TENM3: variants seen among roughly 807,000 people sequenced by gnomAD.
TENM3 encodes the protein teneurin-3.
In TENM3, 63 loss-of-function variants were observed where a neutral mutation model predicts 255.1. That is an observed-to-expected ratio of 0.25 (90% CI 0.20 to 0.30). The LOEUF (loss-of-function observed/expected upper bound fraction) is 0.30. TENM3 is among the 10% of genes least tolerant of loss of function. TENM3 has a pLI of 1.00. For missense variants in TENM3, 2,929 were observed against 3,461.1 expected (o/e 0.85, Z 3.86); for synonymous variants, 1,306 against 1,322.3 (o/e 0.99, Z 0.27).
At chr4:182,264,954 A>G (rs1759144409) in intron 1 of TENM3, among the ~76,000 whole-genome samples, 1 of 150,670 alleles carries the variant, frequency 6.6e-6, no homozygotes, top group African/African-American at 2.4e-5. Flanking sequence ...CGACTGAATT[A>G]TTTTTCTCCA....
intron 1 of TENM3, among the ~76,000 whole-genome samples, chr4:182,229,530 A>G (rs1465016479): frequency 2.0e-5 from 3 of 152,100 alleles, no homozygotes; most frequent in African/African-American, 7.2e-5. Flanking sequence ...ACCATTTAAT[A>G]TTTGATTTAC....
At chr4:181,597,084 A>T in the TENM3 span, among the ~76,000 whole-genome samples, 4 of 152,206 alleles carry the variant, frequency 2.6e-5, no homozygotes, top group African/African-American at 9.6e-5. Flanking sequence ...GTTAAAAAAA[A>T]ACCTTTTGTA....
chr4:181,843,445 T>C, the TENM3 span, among the ~76,000 whole-genome samples: 2 of 152,204 alleles, frequency 1.3e-5, no homozygotes, highest in Non-Finnish European at 2.9e-5. Context: ...TATTGAATCT[T>C]AAATCTTGTG....
chr4:181,964,545 T>C, the TENM3 span, among the ~76,000 whole-genome samples: 3 of 152,006 alleles, frequency 2.0e-5, no homozygotes, highest in Admixed American at 2.0e-4. Context: ...AATTCTGTTC[T>C]TCCTCTCTTC....
At chr4:181,566,077 G>A in the TENM3 span, among the ~76,000 whole-genome samples, 4 of 145,780 alleles carry the variant, frequency 2.7e-5, no homozygotes, top group Non-Finnish European at 6.0e-5. Context: ...TTCCCCCAAA[G>A]AGGTTTATAG....
the TENM3 span, chr4:181,976,499 G>C: frequency 6.6e-6 from 1 of 152,206 alleles, no homozygotes; most frequent in Admixed American, 6.5e-5. Flanking sequence ...GTACTAGGGG[G>C]TAGGACTTCA....
At chr4:181,468,298 A>T in the TENM3 span, among the ~76,000 whole-genome samples, 42 of 152,292 alleles carry the variant, frequency 2.8e-4, no homozygotes, top group African/African-American at 9.6e-4. Flanking sequence ...AAAATTAAAA[A>T]TAAATAACCA....
At position 182,601,134 on chromosome 4, in the gene TENM3, T is replaced by C; in HGVS notation, c.722T>C (p.Leu241Pro). The C allele has an allele frequency of 6.2e-7, 1 of 1,613,924 alleles. No homozygotes were observed. The highest frequency in any genetic ancestry group is 1.3e-5 in the African/African-American group (1 of 75,038). Reference protein sequence around the residue: ...ESVQLQDSWVLGSNVPLESRH... With the variant: ...ESVQLQDSWVPGSNVPLESRH... ...GTCCAGCTGCAGGACAGCTGGGTCCTTGGCAGTAATGTACCACTGGAAAGC... is the reference window on the plus strand; with the variant it reads ...GTCCAGCTGCAGGACAGCTGGGTCCCTGGCAGTAATGTACCACTGGAAAGC... Residue 241 changes from leucine (L) to proline (P), a missense_variant, in exon 4 of 28, where the codon CTT becomes CCT. Transcript: ENST00000511685.
the TENM3 span, among the ~76,000 whole-genome samples, chr4:181,930,410 A>C: frequency 6.6e-6 from 1 of 152,220 alleles, no homozygotes; most frequent in Non-Finnish European, 1.5e-5. Context: ...TAAACTAGAA[A>C]ATCTGGAAGA....
Position 182,571,817 on chromosome 4 carries a change from A to G in TENM3, c.512-29107A>G, listed in dbSNP as rs547682646. The stretch of plus-strand genomic sequence containing the variant: ...ACATAGAAGACTGAAAGTTTCAAAC[A>G]ACGTGACATAATTATAAATTGTTGT... On this transcript the variant is annotated intron_variant, in intron 3 of 27. Transcript: ENST00000511685. Among the ~76,000 whole-genome samples the G allele has an allele frequency of 9.8e-5, 15 of 152,346 alleles. 1 individual carries two copies. In the South Asian group the frequency reaches 3.1e-3, roughly 32 times the overall value.
At chr4:182,778,523 A>T (rs1764879351) in intron 24 of TENM3, among the ~76,000 whole-genome samples, 1 of 152,154 alleles carries the variant, frequency 6.6e-6, no homozygotes, top group African/African-American at 2.4e-5. Flanking sequence ...GAGTCTTGAT[A>T]TCGCCACCCA....
chr4:182,124,557 G>A, the TENM3 span, among the ~76,000 whole-genome samples: 1 of 152,214 alleles, frequency 6.6e-6, no homozygotes, highest in Admixed American at 6.5e-5. Context: ...CAAAGGCTGA[G>A]CCCTGGGGCA....
intron 3 of TENM3, among the ~76,000 whole-genome samples, chr4:182,563,961 C>G (rs1437308204): frequency 6.6e-6 from 1 of 152,202 alleles, no homozygotes; most frequent in Non-Finnish European, 1.5e-5. Context: ...TCAACTACCA[C>G]CAGATCCTTC....
the TENM3 span, among the ~76,000 whole-genome samples, chr4:181,972,901 T>A: frequency 6.6e-6 from 1 of 152,156 alleles, no homozygotes; most frequent in Non-Finnish European, 1.5e-5. Flanking sequence ...GATCACTTGC[T>A]CTTTACAAGA....
chr4:181,826,113 A>T, the TENM3 span, among the ~76,000 whole-genome samples: 203 of 152,328 alleles, frequency 1.3e-3, no homozygotes, highest in African/African-American at 4.6e-3. Context: ...TATTTTGTAA[A>T]TAACTATAAA....
At chr4:182,544,485 C>A (rs1741233970) in intron 3 of TENM3, among the ~76,000 whole-genome samples, 1 of 151,960 alleles carries the variant, frequency 6.6e-6, no homozygotes, top group African/African-American at 2.4e-5. Flanking sequence ...GGCCCACCAC[C>A]ATGCCTGGCT....
chr4:181,822,993 C>G, the TENM3 span, among the ~76,000 whole-genome samples: 1 of 151,872 alleles, frequency 6.6e-6, no homozygotes, highest in East Asian at 1.9e-4. Context: ...AAAAAAAAGG[C>G]GGAGGGAGAA....
rs377544238 is a variant in TENM3 at position 182,774,953 on chromosome 4, G to A, written c.5104G>A (p.Gly1702Ser). 93 of 1,613,466 alleles carry A rather than the reference G, an allele frequency of 5.8e-5. No individual in the cohort carries two copies. The highest frequency in any genetic ancestry group is 6.8e-5 in the Non-Finnish European group (80 of 1,179,728). ...AAACAGCTACCAGATTGGTTATGAC[G>A]GCTCCCTCAGAATTATCTACGCCAG... Reference protein sequence around the residue: ...LRNSYQIGYDGSLRIIYASGL... With the variant: ...LRNSYQIGYDSSLRIIYASGL... Residue 1702 changes from glycine to serine, a missense_variant, in exon 24 of 28, where the codon GGC becomes AGC. By Grantham distance (56) the Gly-to-Ser change is moderately conservative. This residue lies in a region of TENM3 where 1,608 missense variants were observed against 1,884.4 expected (regional missense o/e 0.85). Transcript: ENST00000511685.
intron 6 of TENM3, among the ~76,000 whole-genome samples, chr4:182,662,414 C>G (rs919928479): frequency 7.9e-5 from 12 of 152,164 alleles, no homozygotes; most frequent in Non-Finnish European, 1.8e-4. Context: ...TGGTACGTTT[C>G]ACTCTTACTG....
Sources: gnomAD v4.1 joint callset for allele counts (sites outside exome capture counted in the v4.1 genomes callset) on GRCh38, gnomAD v4.1.1 for gene constraint, gnomAD v4.1.1 regional missense constraint, MANE v1.5 for transcripts, NCBI Gene and HGNC (gene_info 2026-07-23, HGNC 2026-07-21) for gene names.